F10: variants seen among roughly 807,000 people sequenced by gnomAD.
F10 encodes the protein Stuart-Prower factor.
F10 carries 29 observed loss-of-function variants against 37.1 expected under a neutral mutation model. That is an observed-to-expected ratio of 0.78 (90% confidence interval 0.58 to 1.07). The LOEUF (loss-of-function observed/expected upper bound fraction) is 1.07. Ranked by LOEUF, F10 falls within the 50% of genes least tolerant of loss-of-function variation. The pLI is 0.00. For missense variants in F10, 539 were observed against 667.9 expected (o/e 0.81, Z 2.13); for synonymous variants, 262 against 268.6 (o/e 0.98, Z 0.24).
At position 113,147,429 on chromosome 13, in the gene F10, G is replaced by A. The variant is rs1163710889; in HGVS notation, c.798G>A (p.Leu266=). 8 of 1,613,830 alleles carry A rather than the reference G, an allele frequency of 5.0e-6. No homozygotes were observed. Among genetic ancestry groups the A allele is most frequent in the South Asian group, 1.1e-5 (1 of 91,078 alleles). Residue 266 remains leucine (L), a synonymous_variant, in exon 7 of 8, where the codon CTG becomes CTA. Transcript: ENST00000375559. ...ENEGFCGGTI[L]SEFYILTAAH... ...AGGGTTTCTGTGGTGGAACCATTCTGAGCGAGTTCTACATCCTAACGGCAG... is the reference window on the plus strand; with the variant it reads ...AGGGTTTCTGTGGTGGAACCATTCTAAGCGAGTTCTACATCCTAACGGCAG...
intron 6 of F10, among the ~76,000 whole-genome samples, chr13:113,145,775 C>T (rs1321354058): frequency 1.3e-5 from 2 of 152,228 alleles, no homozygotes; most frequent in Non-Finnish European, 2.9e-5. Flanking sequence ...AGAAAACCAT[C>T]AGCTCTTGTG....
chr13:113,149,428 A>C lies in F10; in HGVS notation c.1378A>C (p.Lys460Gln). The C allele has an allele frequency of 6.2e-7, 1 of 1,613,368 alleles. No homozygotes were observed. Among genetic ancestry groups the C allele is most frequent in the Non-Finnish European group, 8.5e-7 (1 of 1,179,904 alleles). ...CTACACCAAGGTCACCGCCTTCCTC[A>C]AGTGGATCGACAGGTCCATGAAAAC... ...GIYTKVTAFL[K>Q]WIDRSMKTRG... is the part of the protein sequence containing the mutation. Residue 460 changes from lysine (K) to glutamine (Q), a missense_variant, in exon 8 of 8, where the codon AAG becomes CAG. By Grantham distance (53) the Lys-to-Gln change is moderately conservative (BLOSUM62 1). Around this residue, in one of 2 missense-constraint regions of F10, gnomAD observed 409 missense variants for 547.9 expected, o/e 0.75. Coordinates refer to ENST00000375559, the MANE Select transcript of F10 (RefSeq NM_000504.4). This position sits in a 1 kb window ranked among gnomAD's most constrained non-coding sequence, Gnocchi z 7.5.
intron 1 of F10, 68 bp from the exon 2 acceptor site, chr13:113,129,384 A>T (rs79349724): frequency 6.3e-7 from 1 of 1,597,310 alleles, no homozygotes; most frequent in Non-Finnish European, 8.6e-7. Context: ...GCAGTCAGGG[A>T]GCATAGGTGA....
chr13:113,148,399 T>TATGTGTATATATATATACATATATATAC (rs138750596), intron 7 of F10, among the ~76,000 whole-genome samples: 1 of 138,620 alleles, frequency 7.2e-6, no homozygotes, highest in Non-Finnish European at 1.5e-5. Flanking sequence ...TACATATATA[T>TATGTGTATATATATATACATATATATAC]ACACACACAC....
chr13:113,133,514 A>G (rs1369668368), intron 2 of F10, among the ~76,000 whole-genome samples: 2 of 152,218 alleles, frequency 1.3e-5, no homozygotes, highest in African/African-American at 4.8e-5. Context: ...AAGGTGAAAG[A>G]GATACCTGCC....
intron 5 of F10, among the ~76,000 whole-genome samples, chr13:113,142,556 C>CAA (rs5806973): frequency 0.022 from 1,311 of 60,862 alleles, 46 homozygotes; most frequent in African/African-American, 0.071. Flanking sequence ...GACTCTGTCT[C>CAA]AAAAAAAAAA....
rs976612817 is a variant in F10 at position 113,143,655 on chromosome 13, G to A, written c.503-196G>A. Among the ~76,000 whole-genome samples, 8 of 152,178 alleles carry A rather than the reference G, an allele frequency of 5.3e-5. No homozygotes were observed. The South Asian group carries it at 8.3e-4, about 16-fold the overall frequency. ...GGCGGTCACCTGAGGGGAGGCCAAC[G>A]CTCGGACAGCTGCGCTCACCTGCAG... On this transcript the variant is annotated intron_variant, in intron 5 of 7. Transcript: ENST00000375559. This position sits in a 1 kb window ranked among gnomAD's most constrained non-coding sequence, Gnocchi z 6.8.
chr13:113,141,555 T>G lies in F10; in HGVS notation c.502+505T>G, dbSNP rs1328542485. Among the ~76,000 whole-genome samples the G allele has an allele frequency of 1.3e-5, 2 of 152,052 alleles. No homozygotes were observed. Among genetic ancestry groups the G allele is most frequent in the Non-Finnish European group, 2.9e-5 (2 of 68,002 alleles). On this transcript the variant is annotated intron_variant, in intron 5 of 7. Coordinates refer to ENST00000375559, the MANE Select transcript of F10 (RefSeq NM_000504.4). The surrounding 1 kb of genome is among the most constrained non-coding windows in gnomAD (Gnocchi z 5.4). Reference sequence around the variant, plus strand: ...AGGACCAGTGTTCATTGAACGTAGTTTTTCTTTTCCTTGATGAATGTGGAC... The same window carrying G: ...AGGACCAGTGTTCATTGAACGTAGTGTTTCTTTTCCTTGATGAATGTGGAC...
intron 2 of F10, chr13:113,131,456 TCTC>T (rs1007932193): frequency 1.3e-5 from 2 of 152,654 alleles, no homozygotes; most frequent in African/African-American, 4.8e-5. Context: ...TGGGTTGACT[TCTC>T]CTCACCCTTC....
chr13:113,139,149 G>A lies in F10; in HGVS notation c.257-208G>A, dbSNP rs776331670. The stretch of plus-strand genomic sequence containing the variant: ...CCGGCAAAAATCAAAAAGCTGGGCC[G>A]GTGATCCACCTAGATAAAGGCATCA... On this transcript the variant is annotated intron_variant, in intron 3 of 7. Transcript: ENST00000375559. This position sits in a 1 kb window ranked among gnomAD's most constrained non-coding sequence, Gnocchi z 5.2. Among the ~76,000 whole-genome samples the A allele has an allele frequency of 3.9e-5, 6 of 152,144 alleles. No individual in the cohort carries two copies. The highest frequency in any genetic ancestry group is 2.1e-4 in the South Asian group (1 of 4,826).
At chr13:113,131,252 T>C (rs1489717902) in intron 2 of F10, 1 of 152,276 alleles carries the variant, frequency 6.6e-6, no homozygotes, top group Non-Finnish European at 1.5e-5. Flanking sequence ...TGCTGGTTAG[T>C]AGCATTGACT....
At position 113,144,333 on chromosome 13, in the gene F10, C is replaced by G; in HGVS notation, c.747+238C>G. The G allele has an allele frequency of 1.7e-6, 1 of 597,560 alleles. No homozygotes were observed. Among genetic ancestry groups the G allele is most frequent in the Non-Finnish European group, 3.0e-6 (1 of 338,828 alleles). The allele number at this position is 597,560 out of a possible 1,614,324, so 37.0% of individuals were successfully genotyped here. On this transcript the variant is annotated intron_variant, in intron 6 of 7. Coordinates refer to ENST00000375559, the MANE Select transcript of F10 (RefSeq NM_000504.4). The surrounding 1 kb of genome is among the most constrained non-coding windows in gnomAD (Gnocchi z 6.4). ...AGGGAGAGGCTGGGCCCAGGCAACG[C>G]CCCCCTCAGCCCCTTCCCACTGGGC...
chr13:113,138,765 G>A (rs896810124), intron 3 of F10, among the ~76,000 whole-genome samples: 2 of 152,042 alleles, frequency 1.3e-5, no homozygotes, highest in East Asian at 1.9e-4. Flanking sequence ...AAGTGTATTC[G>A]GTAAAAGCAA....
At position 113,122,818 on chromosome 13, in the gene F10, G is replaced by T; in HGVS notation, c.-38G>T. Reference sequence around the variant, plus strand: ...GGCGTGGACTTTGCTCCAGCAGCCTGTCCCAGTGAGGACAGGGACACAGTA... The same window carrying T: ...GGCGTGGACTTTGCTCCAGCAGCCTTTCCCAGTGAGGACAGGGACACAGTA... On this transcript the variant is annotated 5_prime_UTR_variant, in exon 1 of 8. Coordinates refer to ENST00000375559, the MANE Select transcript of F10 (RefSeq NM_000504.4). 1 of 1,605,858 alleles carries T rather than the reference G, an allele frequency of 6.2e-7. No homozygotes were observed.
At chr13:113,142,557 A>C (rs1351576590) in intron 5 of F10, among the ~76,000 whole-genome samples, 1 of 87,166 alleles carries the variant, frequency 1.1e-5, no homozygotes, top group Non-Finnish European at 2.4e-5. Flanking sequence ...ACTCTGTCTC[A>C]AAAAAAAAAA....
In F10 at chr13:113,149,300, G is replaced by A. The variant is rs2036617214; in HGVS notation, c.1250G>A (p.Gly417Glu). 6.2e-7 allele frequency: 1 copy of A among 1,613,118 alleles called. No homozygotes were observed. Among genetic ancestry groups the A allele is most frequent in the African/African-American group, 1.3e-5 (1 of 74,946 alleles). The change falls in exon 8 of 8, where the codon GGG becomes GAG. Residue 417 changes from glycine to glutamate, a missense_variant. By Grantham distance (98) the Gly-to-Glu change is moderately conservative. This residue lies in a region of F10 where 409 missense variants were observed against 547.9 expected (regional missense o/e 0.75). Transcript: ENST00000375559. The surrounding 1 kb of genome is among the most constrained non-coding windows in gnomAD (Gnocchi z 7.5). ...ACCAAGCAGGAGGATGCCTGCCAGGGGGACAGCGGGGGCCCGCACGTCACC... is the reference window on the plus strand; with the variant it reads ...ACCAAGCAGGAGGATGCCTGCCAGGAGGACAGCGGGGGCCCGCACGTCACC... Reference protein sequence around the residue: ...YDTKQEDACQGDSGGPHVTRF... With the variant: ...YDTKQEDACQEDSGGPHVTRF...
chr13:113,131,842 G>C (rs2036437177), intron 2 of F10: 1 of 152,420 alleles, frequency 6.6e-6, no homozygotes, highest in Non-Finnish European at 1.5e-5. Flanking sequence ...AGATGATGAG[G>C]CCACATTCAT....
intron 2 of F10, chr13:113,131,841 G>C (rs900864808): frequency 6.6e-6 from 1 of 152,294 alleles, no homozygotes; most frequent in Non-Finnish European, 1.5e-5. Context: ...AAGATGATGA[G>C]GCCACATTCA....
chr13:113,137,358 G>A (rs1424575011), intron 2 of F10, among the ~76,000 whole-genome samples: 1 of 152,084 alleles, frequency 6.6e-6, no homozygotes, highest in Non-Finnish European at 1.5e-5. Flanking sequence ...TGGCAGGTGG[G>A]GGAGATGGCA....
Sources: allele counts gnomAD v4.1 joint callset (sites outside exome capture counted in the v4.1 genomes callset), GRCh38; gene constraint gnomAD v4.1.1; regional missense constraint gnomAD v4.1.1; non-coding constraint Gnocchi (gnomAD v3.1); transcripts MANE v1.5; gene names NCBI Gene and HGNC (gene_info 2026-07-23, HGNC 2026-07-21).